The following TLN2 variants were observed in gnomAD, a reference collection of about 807,000 sequenced individuals.
TLN2 encodes the protein talin 2.
In TLN2, 118 loss-of-function variants were observed where a neutral mutation model predicts 294.7. The observed-to-expected ratio is 0.40, with a 90% CI of 0.34 to 0.47. TLN2 has a LOEUF of 0.47. TLN2 is among the 20% of genes least tolerant of loss of function. TLN2 has a pLI of 0.84. For missense variants in TLN2, 3,083 were observed against 3,282.2 expected, an observed-to-expected ratio of 0.94 and a Z score of 1.48; for synonymous variants, 1,431 against 1,304.5, an observed-to-expected ratio of 1.10 and a Z score of -2.09.
chr15:62,825,814 T>A (rs865864271), intron 54 of TLN2, among the ~76,000 whole-genome samples: 126 of 1,980 alleles, frequency 0.064, 20 homozygotes, highest in African/African-American at 0.085. Flanking sequence ...TATATTATAT[T>A]ATAATATATA....
intron 1 of TLN2, among the ~76,000 whole-genome samples, chr15:62,508,326 C>T (rs1040900440): frequency 4.6e-5 from 7 of 152,152 alleles, no homozygotes; most frequent in Non-Finnish European, 1.5e-5. Flanking sequence ...AAGCGATTCT[C>T]CTGCCTCAGC....
At chr15:62,678,589 G>A (rs2056486637) in intron 11 of TLN2, among the ~76,000 whole-genome samples, 1 of 151,288 alleles carries the variant, frequency 6.6e-6, no homozygotes, top group Non-Finnish European at 1.5e-5. Context: ...CCAGCACTTT[G>A]GGAGGCCAGG....
Position 62,840,717 on chromosome 15 carries a change from C to T in TLN2, c.*107C>T, listed in dbSNP as rs773138106. ...AGCTGGAAACCGCCCACCTCCCTCC[C>T]GGGTGAGCCTGGAGCCCTGCGTGCT... On this transcript the variant is annotated 3_prime_UTR_variant, in exon 59 of 59. Coordinates refer to ENST00000636159, the MANE Select transcript of TLN2 (RefSeq NM_015059.3). 67 of 1,457,926 alleles carry T rather than the reference C, an allele frequency of 4.6e-5. No individual in the cohort carries two copies. Among genetic ancestry groups the T allele is most frequent in the Middle Eastern group, 2.3e-4 (1 of 4,416 alleles). The allele number at this position is 1,457,926 out of a possible 1,614,324, so 90.3% of individuals were successfully genotyped here.
rs1462144781 is a variant in TLN2 at position 62,838,934 on chromosome 15, G to A, written c.7453G>A (p.Asp2485Asn). 1 of 1,614,004 alleles carries A rather than the reference G, an allele frequency of 6.2e-7. No individual in the cohort carries two copies. ...GAAGGCAGCTTTTGGCAAAGCTGAT[G>A]ACGACGATGTTGTAGTGAAAACCAA... ...AQKAAFGKADDDDVVVKTKFV... is the reference protein window; with the variant it reads ...AQKAAFGKADNDDVVVKTKFV... The change falls in exon 58 of 59, where the codon GAC becomes AAC. Residue 2485 changes from aspartate (D) to asparagine (N), a missense_variant. Transcript: ENST00000636159.
At chr15:62,656,877 C>T (rs187708392) in intron 8 of TLN2, among the ~76,000 whole-genome samples, 13 of 152,332 alleles carry the variant, frequency 8.5e-5, no homozygotes, top group African/African-American at 2.9e-4. Context: ...GCTGTTCTCG[C>T]ATTCTGGTGA....
chr15:62,526,703 C>A (rs2040759397), intron 1 of TLN2, among the ~76,000 whole-genome samples: 1 of 152,232 alleles, frequency 6.6e-6, no homozygotes, highest in Admixed American at 6.5e-5. Context: ...GCTTAAGATG[C>A]TGGCCCAAAA....
intron 1 of TLN2, among the ~76,000 whole-genome samples, chr15:62,579,442 C>G (rs1482029368): frequency 6.6e-6 from 1 of 152,122 alleles, no homozygotes; most frequent in African/African-American, 2.4e-5. Flanking sequence ...GTATCTAATT[C>G]GGTCTTGATT....
chr15:62,480,277 G>A (rs2439716), intron 1 of TLN2, among the ~76,000 whole-genome samples: 19,933 of 152,206 alleles, frequency 0.13, 1,737 homozygotes, highest in East Asian at 0.4. Flanking sequence ...GCAGCGGCGC[G>A]ATCTCAGCTC....
Position 62,649,692 on chromosome 15 carries a change from G to C in TLN2, c.137-392G>C, listed in dbSNP as rs1342616198. 3.9e-5 allele frequency among the ~76,000 whole-genome samples: 6 copies of C among 152,262 alleles called. No homozygotes were observed. The East Asian group carries it at 1.2e-3, about 29-fold the overall frequency. On this transcript the variant is annotated intron_variant, in intron 4 of 58. Coordinates refer to ENST00000636159, the MANE Select transcript of TLN2 (RefSeq NM_015059.3). ...CTTTGCCTGAGTGGCCTTGGGCATA[G>C]GTGGTCACTTCCTTAGTTTCTCCCC...
At chr15:62,679,245 C>T (rs111479798) in intron 11 of TLN2, among the ~76,000 whole-genome samples, 116 of 152,076 alleles carry the variant, frequency 7.6e-4, no homozygotes, top group African/African-American at 2.6e-3. Flanking sequence ...ATAGAAATAC[C>T]GTATGATCCA....
intron 42 of TLN2, among the ~76,000 whole-genome samples, chr15:62,775,230 G>A (rs1325567740): frequency 6.8e-6 from 1 of 146,124 alleles, no homozygotes; most frequent in Non-Finnish European, 1.5e-5. Flanking sequence ...TGGCATTTTT[G>A]TGTCTGTAAC....
intron 1 of TLN2, among the ~76,000 whole-genome samples, chr15:62,400,499 A>C (rs761988228): frequency 1.3e-5 from 2 of 152,272 alleles, no homozygotes; most frequent in Non-Finnish European, 2.9e-5. Context: ...TTTCATCAGC[A>C]GTGAAAGTGA....
chr15:62,738,444 G>T (rs2061146277), intron 30 of TLN2, 111 bp downstream of exon 30: 5 of 1,320,018 alleles, frequency 3.8e-6, no homozygotes, highest in Non-Finnish European at 4.9e-6. Context: ...CTTCCTTTAG[G>T]AGTCCTGTTT....
In TLN2 at chr15:62,804,864, G is replaced by T. The variant is rs7181969; in HGVS notation, c.6478-736G>T. Among the ~76,000 whole-genome samples, 312 of 152,264 alleles carry T rather than the reference G, an allele frequency of 2.0e-3. 9 individuals carry two copies. The East Asian group carries it at 0.051, about 25-fold the overall frequency. On this transcript the variant is annotated intron_variant, in intron 50 of 58. Coordinates refer to ENST00000636159, the MANE Select transcript of TLN2 (RefSeq NM_015059.3). Reference sequence around the variant, plus strand: ...CAGGGTAGCCCCACCTAGGCTAGGGGCCCTCGTGTAGGGACAGAGGCACAT... The same window carrying T: ...CAGGGTAGCCCCACCTAGGCTAGGGTCCCTCGTGTAGGGACAGAGGCACAT...
At chr15:62,546,173 C>T (rs532491203) in intron 1 of TLN2, among the ~76,000 whole-genome samples, 1 of 152,170 alleles carries the variant, frequency 6.6e-6, no homozygotes, top group Non-Finnish European at 1.5e-5. Context: ...TTTCTGTCTT[C>T]ACTACCTCTG....
At chr15:62,578,849 CT>C (rs1247526475) in intron 1 of TLN2, among the ~76,000 whole-genome samples, 6 of 152,186 alleles carry the variant, frequency 3.9e-5, no homozygotes, top group Admixed American at 1.3e-4. Flanking sequence ...AAGGATGCCC[CT>C]GGCCTTGGGT....
chr15:62,409,834 T>C (rs1253166463), intron 1 of TLN2, among the ~76,000 whole-genome samples: 1 of 152,236 alleles, frequency 6.6e-6, no homozygotes, highest in Non-Finnish European at 1.5e-5. Context: ...TAGATCTTGG[T>C]ATTCTAAGTT....
chr15:62,707,321 G>A, intron 20 of TLN2, 68 bp downstream of exon 20: 8 of 1,496,734 alleles, frequency 5.3e-6, no homozygotes, highest in Non-Finnish European at 7.2e-6. Context: ...CCAGGCATTT[G>A]GTGTGTAGCA....
chr15:62,606,248 AT>A (rs771750764), intron 2 of TLN2, among the ~76,000 whole-genome samples: 236 of 136,650 alleles, frequency 1.7e-3, no homozygotes, highest in Admixed American at 1.8e-3. Context: ...TGCTTGGCTA[AT>A]TTTTTTTTTT....
Sources: gnomAD v4.1 joint callset for allele counts (sites outside exome capture counted in the v4.1 genomes callset) on GRCh38, gnomAD v4.1.1 for gene constraint, MANE v1.5 for transcripts, NCBI Gene and HGNC (gene_info 2026-07-23, HGNC 2026-07-21) for gene names.